The following TGFBR3 variants were observed in gnomAD, a reference collection of about 807,000 sequenced individuals.
The protein encoded by TGFBR3 is transforming growth factor beta receptor type 3.
TGFBR3 carries 46 observed loss-of-function variants against 87.9 expected under a neutral mutation model. That is an observed-to-expected ratio of 0.52 (90% CI 0.41 to 0.67). The LOEUF is 0.67. TGFBR3 is among the 30% of genes least tolerant of loss of function. TGFBR3 has a pLI of 0.00. For missense variants in TGFBR3, 866 were observed against 1,041.9 expected, an observed-to-expected ratio of 0.83 and a Z score of 2.32; for synonymous variants, 381 against 391.6, an observed-to-expected ratio of 0.97 and a Z score of 0.32.
At chr1:91,698,164 T>C (rs750657425) in intron 14 of TGFBR3, 34 bp from the exon 15 acceptor site, 8 of 1,595,830 alleles carry the variant, frequency 5.0e-6, no homozygotes, top group Non-Finnish European at 6.9e-6. Context: ...ATGTATTCTA[T>C]GGAGAACCAA....
At chr1:91,902,081 C>T (rs769387756) in intron 1 of TGFBR3, among the ~76,000 whole-genome samples, 1 of 152,014 alleles carries the variant, frequency 6.6e-6, no homozygotes, top group Non-Finnish European at 1.5e-5. Flanking sequence ...TATTTAATTG[C>T]CCCTACATCC....
chr1:91,690,260 C>T (rs554535514), intron 16 of TGFBR3, among the ~76,000 whole-genome samples: 33 of 152,082 alleles, frequency 2.2e-4, no homozygotes, highest in Admixed American at 1.1e-3. Context: ...TTTCCTCCCT[C>T]GCTCCACTGG....
chr1:91,818,071 C>CT (rs1676298717), intron 2 of TGFBR3, among the ~76,000 whole-genome samples: 1 of 151,594 alleles, frequency 6.6e-6, no homozygotes. Flanking sequence ...TTTTCTTTTC[C>CT]TTTTTTTTCT....
chr1:91,754,636 AG>A (rs1380116124), intron 4 of TGFBR3, among the ~76,000 whole-genome samples: 6 of 152,128 alleles, frequency 3.9e-5, no homozygotes, highest in Non-Finnish European at 8.8e-5. Flanking sequence ...CTGTGCTGTG[AG>A]GGGGTGAGAA....
At chr1:91,729,249 C>G (rs1672672118) in intron 6 of TGFBR3, among the ~76,000 whole-genome samples, 1 of 139,512 alleles carries the variant, frequency 7.2e-6, no homozygotes, top group South Asian at 2.5e-4. Flanking sequence ...GGTATGGCAC[C>G]ATGAAGAGCC....
At chr1:91,818,383 A>G (rs1004774984) in intron 2 of TGFBR3, among the ~76,000 whole-genome samples, 10 of 143,426 alleles carry the variant, frequency 7.0e-5, no homozygotes, top group Non-Finnish European at 1.5e-4. Context: ...CTGACTCTGC[A>G]CATGCCTCAT....
chr1:91,688,227 T>C (rs1671155108), intron 16 of TGFBR3, among the ~76,000 whole-genome samples: 1 of 152,334 alleles, frequency 6.6e-6, no homozygotes, highest in South Asian at 2.1e-4. Flanking sequence ...TCCTGCAGTG[T>C]GGCCAACCTG....
At chr1:91,815,340 A>AT (rs1676183651) in intron 2 of TGFBR3, among the ~76,000 whole-genome samples, 1 of 124,830 alleles carries the variant, frequency 8.0e-6, no homozygotes, top group Non-Finnish European at 1.7e-5. Context: ...ATAAAATAAA[A>AT]TAGGGATAGT....
chr1:91,741,157 A>G (rs775697375), intron 4 of TGFBR3, among the ~76,000 whole-genome samples: 6 of 152,212 alleles, frequency 3.9e-5, no homozygotes, highest in Non-Finnish European at 7.3e-5. Context: ...GTCCCACAAG[A>G]CTGCCCCTCT....
chr1:91,742,730 T>C (rs769301695), intron 4 of TGFBR3, among the ~76,000 whole-genome samples: 1 of 152,184 alleles, frequency 6.6e-6, no homozygotes, highest in Non-Finnish European at 1.5e-5. Flanking sequence ...AGGGGAACCA[T>C]GAAGCACTTT....
At position 91,727,722 on chromosome 1, in the gene TGFBR3, C is replaced by T. The variant is rs1169733460; in HGVS notation, c.822G>A (p.Lys274=). The T allele has an allele frequency of 3.1e-6, 5 of 1,613,998 alleles. No homozygotes were observed. The highest frequency in any genetic ancestry group is 2.2e-5 in the South Asian group (2 of 91,088). The change falls in exon 7 of 17, where the codon AAG becomes AAA. Residue 274 remains lysine, a synonymous_variant. Transcript: ENST00000212355. ...TCACCCAGTTGACAGACTTTTTGCA[C>T]TTCAAGATCAGGATGAGATTTTTGA... ...EVVKNLILIL[K]CKKSVNWVIK...
At chr1:91,710,638 G>C (rs944028004) in intron 13 of TGFBR3, among the ~76,000 whole-genome samples, 1 of 152,188 alleles carries the variant, frequency 6.6e-6, no homozygotes, top group African/African-American at 2.4e-5. Context: ...CAAACAGAAA[G>C]ACAGTGGTAA....
At chr1:91,792,876 G>A (rs72716434) in intron 3 of TGFBR3, among the ~76,000 whole-genome samples, 2,452 of 152,292 alleles carry the variant, frequency 0.016, 28 homozygotes, top group Middle Eastern at 0.054. Context: ...GCTGTCCTCT[G>A]TTGCCAGAAA....
chr1:91,692,981 G>C (rs970187091), intron 16 of TGFBR3, among the ~76,000 whole-genome samples: 1 of 152,240 alleles, frequency 6.6e-6, no homozygotes, highest in Non-Finnish European at 1.5e-5. Flanking sequence ...GAGTTCCACA[G>C]CTTCAATCAC....
At chr1:91,783,996 G>T (rs1674869132) in intron 3 of TGFBR3, among the ~76,000 whole-genome samples, 1 of 152,082 alleles carries the variant, frequency 6.6e-6, no homozygotes, top group Non-Finnish European at 1.5e-5. Flanking sequence ...CAACCCAAGG[G>T]AGCTGCATAG....
chr1:91,865,563 A>G (rs1267452281), intron 1 of TGFBR3, among the ~76,000 whole-genome samples: 2 of 152,226 alleles, frequency 1.3e-5, no homozygotes, highest in East Asian at 3.8e-4. Context: ...TTTAAAAGGT[A>G]GGTGAACTTT....
Position 91,767,095 on chromosome 1 carries a change from C to T in TGFBR3, c.247-8345G>A, listed in dbSNP as rs759396251. ...GGTATCTCAGTGTATTGACTTGCCACGCACGTTGGACAATGAACCTATTAT... is the reference window on the plus strand; with the variant it reads ...GGTATCTCAGTGTATTGACTTGCCATGCACGTTGGACAATGAACCTATTAT... On this transcript the variant is annotated intron_variant, in intron 3 of 16. Transcript: ENST00000212355. Among the ~76,000 whole-genome samples the T allele has an allele frequency of 3.0e-5, 4 of 133,930 alleles. 1 individual carries two copies. Among genetic ancestry groups the T allele is most frequent in the South Asian group, 2.8e-4 (1 of 3,624 alleles). 87.9% of individuals were successfully genotyped at this position (133,930 alleles called of 152,430 possible). A position where few individuals can be genotyped will look rare whatever the true frequency, so the allele number is the denominator to read the frequency against.
intron 2 of TGFBR3, among the ~76,000 whole-genome samples, chr1:91,802,610 G>A (rs573649669): frequency 2.0e-5 from 3 of 152,116 alleles, no homozygotes; most frequent in East Asian, 1.9e-4. Flanking sequence ...ATCCACCTGC[G>A]TTGGCCTCCT....
intron 3 of TGFBR3, among the ~76,000 whole-genome samples, chr1:91,778,034 T>C (rs758810502): frequency 6.6e-6 from 1 of 152,156 alleles, no homozygotes; most frequent in Non-Finnish European, 1.5e-5. Context: ...TAGAGCTCTT[T>C]GGAAAATCAT....
Sources: gnomAD v4.1 joint callset for allele counts (sites outside exome capture counted in the v4.1 genomes callset) on GRCh38, gnomAD v4.1.1 for gene constraint, MANE v1.5 for transcripts, NCBI Gene and HGNC (gene_info 2026-07-23, HGNC 2026-07-21) for gene names.